The following POLR3B variants were observed in gnomAD, a reference collection of about 807,000 sequenced individuals.
The protein encoded by POLR3B is DNA-directed RNA polymerase III subunit RPC2.
In POLR3B, 96 loss-of-function variants were observed where a neutral mutation model predicts 147.4. That is an observed-to-expected ratio of 0.65 (90% CI 0.55 to 0.77). The LOEUF is 0.77. Ranked by LOEUF, POLR3B falls within the 30% of genes least tolerant of loss-of-function variation. The pLI is 0.00. For synonymous variants in POLR3B, 461 were observed against 485.9 expected (o/e 0.95, Z 0.67); for missense variants, 1,036 against 1,413.5 (o/e 0.73, Z 4.28).
In POLR3B at chr12:106,427,245, ATGAAAAAGATTGCCGACC is replaced by A; in HGVS notation, c.1151_1168del (p.Met384_Gln390delinsLys). The A allele has an allele frequency of 6.2e-7, 1 of 1,608,364 alleles. No homozygotes were observed. The highest frequency in any genetic ancestry group is 8.5e-7 in the Non-Finnish European group (1 of 1,176,438). On this transcript the variant is annotated inframe_deletion, in exon 13 of 28. Transcript: ENST00000228347. ...CTTGTTCAAAAAATTTAATTCTGAA[ATGAAAAAGATTGCCGACC>A]AGGTGATTCCTAAGCAAAGAGCAGC...
chr12:106,357,983 A>T, intron 1 of POLR3B, 32 bp downstream of exon 1: 1 of 1,608,674 alleles, frequency 6.2e-7, no homozygotes, highest in African/African-American at 1.3e-5. Flanking sequence ...AGCGTCAGGG[A>T]CAAGGATGCG....
chr12:106,464,844 C>A (rs1473617103), intron 23 of POLR3B, among the ~76,000 whole-genome samples: 1 of 152,140 alleles, frequency 6.6e-6, no homozygotes, highest in African/African-American at 2.4e-5. Context: ...GTCAGGTATA[C>A]CCAGCCTTAG....
intron 12 of POLR3B, among the ~76,000 whole-genome samples, chr12:106,412,527 T>A (rs1323067643): frequency 6.6e-6 from 1 of 152,216 alleles, no homozygotes; most frequent in African/African-American, 2.4e-5. Context: ...GGAAACTCAC[T>A]CAGAACCATT....
chr12:106,490,524 G>A (rs1050038472), intron 23 of POLR3B, among the ~76,000 whole-genome samples: 4 of 152,096 alleles, frequency 2.6e-5, no homozygotes, highest in East Asian at 3.9e-4. Flanking sequence ...AGGAAGAGCC[G>A]AATTAAAATT....
intron 12 of POLR3B, among the ~76,000 whole-genome samples, chr12:106,416,948 A>G (rs2037312571): frequency 6.6e-6 from 1 of 152,052 alleles, no homozygotes; most frequent in Non-Finnish European, 1.5e-5. Context: ...CCCTCTCTCT[A>G]AAGAGGAGCT....
chr12:106,421,401 A>G (rs2037371770), intron 12 of POLR3B, among the ~76,000 whole-genome samples: 1 of 152,212 alleles, frequency 6.6e-6, no homozygotes, highest in Non-Finnish European at 1.5e-5. Flanking sequence ...TACGTTGTAT[A>G]TGAATTTCTG....
At chr12:106,437,565 TC>T in intron 17 of POLR3B, 115 bp from the exon 18 acceptor site, 1 of 700,828 alleles carries the variant, frequency 1.4e-6, no homozygotes, top group Non-Finnish European at 2.6e-6. Flanking sequence ...GTAATGATAT[TC>T]TCTGGGAGAG....
intron 12 of POLR3B, among the ~76,000 whole-genome samples, chr12:106,425,965 A>G (rs564888058): frequency 6.6e-6 from 1 of 152,228 alleles, no homozygotes; most frequent in East Asian, 1.9e-4. Context: ...ATACTCAGCC[A>G]TGATTTTGTG....
At chr12:106,379,763 T>C (rs1282380090) in intron 8 of POLR3B, among the ~76,000 whole-genome samples, 2 of 152,204 alleles carry the variant, frequency 1.3e-5, no homozygotes, top group African/African-American at 2.4e-5. Flanking sequence ...CAAAGTGAAG[T>C]TGGTCAGAAA....
At position 106,430,335 on chromosome 12, in the gene POLR3B, C is replaced by T. The variant is rs1217254620; in HGVS notation, c.1326C>T (p.Arg442=). Residue 442 remains arginine (R), a synonymous_variant, in exon 14 of 28, where the codon CGC becomes CGT. Coordinates refer to ENST00000228347, the MANE Select transcript of POLR3B (RefSeq NM_018082.6). ...DRQGVTQVLS[R]LSYISALGMM... is the part of the protein sequence containing the mutation. The stretch of plus-strand genomic sequence containing the variant: ...AGGGTGTAACCCAAGTGCTGTCTCG[C>T]TTGTCATATATATCCGCACTGGGCA... 1 of 1,613,924 alleles carries T rather than the reference C, an allele frequency of 6.2e-7. No homozygotes were observed. The highest frequency in any genetic ancestry group is 1.3e-5 in the African/African-American group (1 of 74,902).
intron 6 of POLR3B, among the ~76,000 whole-genome samples, chr12:106,369,995 A>G (rs934157060): frequency 6.6e-6 from 1 of 152,100 alleles, no homozygotes; most frequent in African/African-American, 2.4e-5. Context: ...GTGGATAGGT[A>G]TATTCTGAGA....
Position 106,454,558 on chromosome 12 carries a change from T to C in POLR3B, c.2140T>C (p.Tyr714His), listed in dbSNP as rs1354481621. ...RIDTLMYLLA[Y>H]PQKPMVKTKT... ...TGATACTCTCATGTATCTACTAGCA[T>C]ATCCACAAAAACCCATGGTTAAGAC... The change falls in exon 20 of 28, where the codon TAT (tyrosine) becomes CAT (histidine). Residue 714 changes from tyrosine (Y) to histidine (H), a missense_variant. Transcript: ENST00000228347. 2.5e-6 allele frequency: 4 copies of C among 1,609,384 alleles called. No homozygotes were observed. The highest frequency in any genetic ancestry group is 3.4e-6 in the Non-Finnish European group (4 of 1,175,950).
At chr12:106,493,391 A>G (rs1255271182) in intron 23 of POLR3B, among the ~76,000 whole-genome samples, 1 of 152,248 alleles carries the variant, frequency 6.6e-6, no homozygotes, top group Admixed American at 6.5e-5. Context: ...TCTGAAACAG[A>G]GAAATACTGT....
intron 23 of POLR3B, among the ~76,000 whole-genome samples, chr12:106,484,231 C>T (rs560990452): frequency 2.6e-5 from 4 of 152,126 alleles, no homozygotes; most frequent in African/African-American, 4.8e-5. Context: ...AGAAAAACCA[C>T]GGGGACTGTG....
intron 10 of POLR3B, among the ~76,000 whole-genome samples, chr12:106,397,590 T>G (rs1400701803): frequency 2.6e-5 from 4 of 152,184 alleles, no homozygotes; most frequent in Admixed American, 6.5e-5. Context: ...CCATATATAC[T>G]CTTTTGTGTC....
At chr12:106,367,467 C>T (rs1009159806) in intron 4 of POLR3B, among the ~76,000 whole-genome samples, 28 of 152,182 alleles carry the variant, frequency 1.8e-4, no homozygotes, top group African/African-American at 6.0e-4. Context: ...CAATCCAGAG[C>T]TCCGTGTTAT....
At chr12:106,482,039 C>G (rs1467035998) in intron 23 of POLR3B, among the ~76,000 whole-genome samples, 1 of 152,152 alleles carries the variant, frequency 6.6e-6, no homozygotes, top group Non-Finnish European at 1.5e-5. Flanking sequence ...TACATAAATG[C>G]TAACAATCAT....
chr12:106,480,268 C>T (rs2038247739), intron 23 of POLR3B, among the ~76,000 whole-genome samples: 1 of 152,034 alleles, frequency 6.6e-6, no homozygotes, highest in South Asian at 2.1e-4. Context: ...CCTGGTATAC[C>T]CCTGAACCCT....
intron 22 of POLR3B, among the ~76,000 whole-genome samples, chr12:106,463,230 G>T (rs2037963687): frequency 1.3e-5 from 2 of 152,094 alleles, no homozygotes; most frequent in South Asian, 4.1e-4. Flanking sequence ...TATAATAAGG[G>T]AATAACAGTA....
Sources: allele counts gnomAD v4.1 joint callset (sites outside exome capture counted in the v4.1 genomes callset), GRCh38; gene constraint gnomAD v4.1.1; transcripts MANE v1.5; gene names NCBI Gene and HGNC (gene_info 2026-07-23, HGNC 2026-07-21).